NAALADL2: variants seen among roughly 807,000 people sequenced by gnomAD.
The protein encoded by NAALADL2 is N-acetylated alpha-linked acidic dipeptidase like 2.
NAALADL2 carries 76 observed loss-of-function variants against 87.2 expected under a neutral mutation model. The observed-to-expected ratio is 0.87, with a 90% CI of 0.72 to 1.05. The LOEUF (loss-of-function observed/expected upper bound fraction) is 1.05. Among genes scored for constraint, NAALADL2 ranks in the 50% least tolerant of loss-of-function variants. The pLI, the probability that NAALADL2 is intolerant of heterozygous loss-of-function variation, is 0.00. For synonymous variants in NAALADL2, 354 were observed against 331.0 expected, an observed-to-expected ratio of 1.07 and a Z score of -0.75; for missense variants, 1,089 against 945.8, an observed-to-expected ratio of 1.15 and a Z score of -1.99.
intron 2 of NAALADL2, among the ~76,000 whole-genome samples, chr3:174,576,974 T>TA (rs1408712996): frequency 6.6e-6 from 1 of 152,144 alleles, no homozygotes; most frequent in Non-Finnish European, 1.5e-5. Context: ...TGATTTTTTT[T>TA]CTAAACGAGA....
rs62284951 is a variant in NAALADL2, at chr3:174,883,147, T to A, written c.43+23697T>A. On this transcript the variant is annotated intron_variant, in intron 1 of 13. Coordinates refer to ENST00000454872, the MANE Select transcript of NAALADL2 (RefSeq NM_207015.3). The stretch of plus-strand genomic sequence containing the variant: ...CACATTTTCTTGCCTGCTTATATTC[T>A]AGCCATGCTAGCCACTGATTAGATT... Among the ~76,000 whole-genome samples the A allele has an allele frequency of 4.4e-3, 667 of 152,098 alleles. 1 individual carries two copies. The highest frequency in any genetic ancestry group is 0.014 in the Middle Eastern group (4 of 292).
intron 1 of NAALADL2, among the ~76,000 whole-genome samples, chr3:175,074,014 G>A (rs1052125570): frequency 6.6e-6 from 1 of 151,778 alleles, no homozygotes; most frequent in African/African-American, 2.4e-5. Context: ...TTTGTTTTTT[G>A]TTTCTCTCAT....
chr3:174,645,690 A>G (rs1723710902), intron 2 of NAALADL2, among the ~76,000 whole-genome samples: 1 of 152,162 alleles, frequency 6.6e-6, no homozygotes, highest in Non-Finnish European at 1.5e-5. Context: ...ATATTTTTCT[A>G]GCAAGGCTCT....
chr3:174,768,701 A>G (rs977583409), intron 3 of NAALADL2, among the ~76,000 whole-genome samples: 2 of 152,200 alleles, frequency 1.3e-5, no homozygotes, highest in Non-Finnish European at 2.9e-5. Context: ...TTGCTAATCA[A>G]AAAGGACTGG....
intron 9 of NAALADL2, among the ~76,000 whole-genome samples, chr3:175,515,803 T>C (rs1473819080): frequency 2.0e-5 from 3 of 152,150 alleles, no homozygotes; most frequent in African/African-American, 7.2e-5. Flanking sequence ...TCTATTTTTT[T>C]CCTCTCTCAT....
chr3:175,506,352 C>T (rs763022028), intron 9 of NAALADL2, among the ~76,000 whole-genome samples: 23 of 152,130 alleles, frequency 1.5e-4, no homozygotes, highest in African/African-American at 4.6e-4. Context: ...CATCTTATAA[C>T]GGATGAAAAC....
chr3:175,469,841 T>C lies in NAALADL2; in HGVS notation c.1534-1798T>C, dbSNP rs76047583. Among the ~76,000 whole-genome samples, 1,494 of 152,114 alleles carry C rather than the reference T, an allele frequency of 9.8e-3. 26 individuals are homozygous for C. Among genetic ancestry groups the C allele is most frequent in the African/African-American group, 0.035 (1,441 of 41,546 alleles). ...TATATAGACTAACATATAGACAGTGTCTATGTGGTAGTGTGCTAATAGAAG... is the reference window on the plus strand; with the variant it reads ...TATATAGACTAACATATAGACAGTGCCTATGTGGTAGTGTGCTAATAGAAG... On this transcript the variant is annotated intron_variant, in intron 8 of 13. Transcript: ENST00000454872.
At chr3:175,274,071 G>T (rs1300430419) in intron 4 of NAALADL2, among the ~76,000 whole-genome samples, 1 of 151,974 alleles carries the variant, frequency 6.6e-6, no homozygotes, top group Non-Finnish European at 1.5e-5. Context: ...TAAAGAATAG[G>T]CTGGGTAATT....
At chr3:174,754,233 G>A (rs1185561040) in intron 3 of NAALADL2, among the ~76,000 whole-genome samples, 3 of 150,500 alleles carry the variant, frequency 2.0e-5, no homozygotes, top group African/African-American at 7.4e-5. Flanking sequence ...TATTTTTTCT[G>A]TATTTTCTTT....
At chr3:175,557,782 A>G (rs189768416) in intron 9 of NAALADL2, among the ~76,000 whole-genome samples, 104 of 152,128 alleles carry the variant, frequency 6.8e-4, no homozygotes, top group African/African-American at 2.4e-3. Context: ...GATAACCGCC[A>G]TTTTACCTAA....
At position 174,844,835 on chromosome 3, in the gene NAALADL2, G is replaced by GTTTTTTTTT. The variant is rs781333758; in HGVS notation, c.-9+107108_-9+107116dup. Among the ~76,000 whole-genome samples the GTTTTTTTTT allele has an allele frequency of 2.3e-4, 8 of 35,446 alleles. 2 individuals are homozygous for GTTTTTTTTT. Among genetic ancestry groups the GTTTTTTTTT allele is most frequent in the African/African-American group, 6.3e-4 (5 of 7,892 alleles). 23.3% of individuals were successfully genotyped at this position (35,446 alleles called of 152,430 possible). ...ATGAACTTGTTTATTAGTTCTAATG[G>GTTTTTTTTT]TTTTTTTTTTTTTTTTTTTTTTTTT... On this transcript the variant is annotated intron_variant, in intron 3 of 3. Coordinates refer to the NAALADL2 transcript ENST00000434257.
intron 1 of NAALADL2, among the ~76,000 whole-genome samples, chr3:174,960,143 A>G (rs1338365876): frequency 6.6e-6 from 1 of 152,058 alleles, no homozygotes; most frequent in African/African-American, 2.4e-5. Context: ...CTATCAGGCA[A>G]TAAGTGGTAA....
intron 2 of NAALADL2, among the ~76,000 whole-genome samples, chr3:174,597,641 G>A (rs994483367): frequency 6.6e-6 from 1 of 152,098 alleles, no homozygotes; most frequent in Non-Finnish European, 1.5e-5. Context: ...TGCAAATCTG[G>A]TCTTACCCAT....
chr3:174,885,298 A>T (rs1403698325), intron 1 of NAALADL2, among the ~76,000 whole-genome samples: 1 of 152,036 alleles, frequency 6.6e-6, no homozygotes, highest in African/African-American at 2.4e-5. Context: ...TCTGTAGGAG[A>T]TAAGACTCTC....
intron 10 of NAALADL2, among the ~76,000 whole-genome samples, chr3:175,587,463 C>T (rs1720698514): frequency 6.6e-6 from 1 of 151,990 alleles, no homozygotes; most frequent in Non-Finnish European, 1.5e-5. Context: ...TGGGCTTCTC[C>T]TAAATTTTCA....
At chr3:174,763,322 C>G (rs964043642) in intron 3 of NAALADL2, among the ~76,000 whole-genome samples, 1 of 151,918 alleles carries the variant, frequency 6.6e-6, no homozygotes, top group South Asian at 2.1e-4. Context: ...GGCGCAGTGG[C>G]TCATGCCTGT....
At chr3:175,099,210 A>G (rs1721700715) in intron 2 of NAALADL2, among the ~76,000 whole-genome samples, 1 of 152,172 alleles carries the variant, frequency 6.6e-6, no homozygotes, top group Admixed American at 6.6e-5. Context: ...AAAATAAATA[A>G]TAATTACATT....
chr3:175,217,320 C>T (rs1371976672), intron 2 of NAALADL2, among the ~76,000 whole-genome samples: 2 of 152,128 alleles, frequency 1.3e-5, no homozygotes, highest in East Asian at 3.9e-4. Flanking sequence ...CGTTCATTTC[C>T]AGTTTGCAGT....
chr3:175,635,836 A>G lies in NAALADL2; in HGVS notation c.1896+8450A>G, dbSNP rs999138363. 3.3e-5 allele frequency among the ~76,000 whole-genome samples: 5 copies of G among 152,294 alleles called. 1 individual carries two copies. The South Asian group carries it at 1.0e-3, about 32-fold the overall frequency. On this transcript the variant is annotated intron_variant, in intron 11 of 13. Transcript: ENST00000454872. ...AGACGAAGGGCAGAATACTGAATGC[A>G]TAACAGAATAACTCTAGGTCGACAG...
Sources: allele counts gnomAD v4.1 joint callset (sites outside exome capture counted in the v4.1 genomes callset), GRCh38; gene constraint gnomAD v4.1.1; transcripts MANE v1.5; gene names NCBI Gene and HGNC (gene_info 2026-07-23, HGNC 2026-07-21).